Variants in PEX11B observed in about 807,000 individuals in gnomAD.
PEX11B encodes the protein peroxisomal membrane protein 11B.
In PEX11B, 18 loss-of-function variants were observed where a neutral mutation model predicts 28.2. The ratio of observed to expected loss-of-function variants is 0.64; its 90% CI spans 0.44 to 0.95. The LOEUF is 0.95. Among genes scored for constraint, PEX11B ranks in the 40% least tolerant of loss-of-function variants. The pLI is 0.00. For synonymous variants in PEX11B, 128 were observed against 128.7 expected, an observed-to-expected ratio of 0.99 and a Z score of 0.04; for missense variants, 305 against 319.8, an observed-to-expected ratio of 0.95 and a Z score of 0.35.
intron 2 of PEX11B, 67 bp from the exon 3 acceptor site, chr1:145,917,085 C>T: frequency 9.4e-7 from 1 of 1,066,540 alleles, no homozygotes; most frequent in South Asian, 1.3e-5. Context: ...GAAACAGAAA[C>T]AGAGAAAGCA....
intron 1 of PEX11B, 71 bp downstream of exon 1, chr1:145,918,562 A>AGT: frequency 6.4e-7 from 1 of 1,554,368 alleles, no homozygotes; most frequent in Non-Finnish European, 8.7e-7. Flanking sequence ...GCCTAAACTG[A>AGT]CTTCGCCTCA....
rs1473086714 is a variant in PEX11B at position 145,917,897 on chromosome 1, A to T, written c.57-81T>A. The T allele has an allele frequency of 2.1e-6, 3 of 1,405,632 alleles. No individual in the cohort carries two copies. The African/African-American group carries it at 4.2e-5, about 20-fold the overall frequency. 87.1% of individuals were successfully genotyped at this position (1,405,632 alleles called of 1,614,324 possible). On this transcript the variant is annotated intron_variant, in intron 1 of 3. Transcript: ENST00000369306. Reference sequence around the variant, plus strand: ...ACTATCTTCCAAAAGGCACAGACAGACTTCCCCCTTTCCCAGTTTGAGAAC... The same window carrying T: ...ACTATCTTCCAAAAGGCACAGACAGTCTTCCCCCTTTCCCAGTTTGAGAAC...
rs1657843921 is a variant in PEX11B at position 145,912,373 on chromosome 1, G to A, written c.568C>T (p.Leu190Phe). Residue 190 changes from leucine (L) to phenylalanine (F), a missense_variant, in exon 4 of 4, where the codon CTT becomes TTT. Coordinates refer to ENST00000369306, the MANE Select transcript of PEX11B (RefSeq NM_003846.3). ...GCCAGGAGCAGGACTTGCAGCCGAA[G>A]TTTCAGAGCCAGTTGGGGCAGACCT... is the stretch of plus-strand genomic sequence containing the variant. ...GGGLPQLALK[L>F]RLQVLLLARV... 1.2e-6 allele frequency: 2 copies of A among 1,612,568 alleles called. No homozygotes were observed. Among genetic ancestry groups the A allele is most frequent in the Admixed American group, 3.3e-5 (2 of 59,848 alleles).
chr1:145,913,726 C>G (rs1370989767), intron 3 of PEX11B, among the ~76,000 whole-genome samples: 1 of 152,164 alleles, frequency 6.6e-6, no homozygotes, highest in South Asian at 2.1e-4. Flanking sequence ...TAAAGGTGAT[C>G]TAAATCCAAT....
Position 145,917,764 on chromosome 1 carries a change from C to A in PEX11B, c.109G>T (p.Ala37Ser). 6.2e-7 allele frequency: 1 copy of A among 1,613,950 alleles called. No individual in the cohort carries two copies. The highest frequency in any genetic ancestry group is 8.5e-7 in the Non-Finnish European group (1 of 1,179,798). ...ATCTGTTTCTGTAACTCAGGACTGGCTCCATGCCTCTGCAGCGCATGGCCA... is the reference window on the plus strand; with the variant it reads ...ATCTGTTTCTGTAACTCAGGACTGGATCCATGCCTCTGCAGCGCATGGCCA... ...LLGHALQRHG[A>S]SPELQKQIRQ... is the part of the protein sequence containing the mutation. Residue 37 changes from alanine to serine, a missense_variant, in exon 2 of 4, where the codon GCC (alanine) becomes TCC (serine). Transcript: ENST00000369306.
At chr1:145,914,300 A>C (rs1438651448) in intron 3 of PEX11B, among the ~76,000 whole-genome samples, 1 of 151,710 alleles carries the variant, frequency 6.6e-6, no homozygotes, top group Non-Finnish European at 1.5e-5. Context: ...CTTGAACCCA[A>C]GAGATGGACG....
intron 1 of PEX11B, 28 bp from the exon 2 acceptor site, chr1:145,917,844 TGGA>T (rs2101864676): frequency 6.5e-7 from 1 of 1,528,004 alleles, no homozygotes; most frequent in East Asian, 2.3e-5. Flanking sequence ...CAAGGTAAGG[TGGA>T]GACCTCCCTA....
intron 3 of PEX11B, among the ~76,000 whole-genome samples, chr1:145,915,441 T>C (rs1647321745): frequency 6.6e-6 from 1 of 151,844 alleles, no homozygotes; most frequent in African/African-American, 2.4e-5. Context: ...GTTAATATAA[T>C]GAAAAAGTAC....
chr1:145,912,426 C>T lies in PEX11B; in HGVS notation c.515G>A (p.Gly172Glu). The T allele has an allele frequency of 6.3e-7, 1 of 1,575,030 alleles. No individual in the cohort carries two copies. The highest frequency in any genetic ancestry group is 8.6e-7 in the Non-Finnish European group (1 of 1,159,782). Reference sequence around the variant, plus strand: ...TCCTGGAGTCCCTGGTCCCCCAAGTCCCCCAGTTTCACTTCCTCCTGGGAC... The same window carrying T: ...TCCTGGAGTCCCTGGTCCCCCAAGTTCCCCAGTTTCACTTCCTCCTGGGAC... ...GGVPGGSETG[G>E]LGGPGTPGGG... The change falls in exon 4 of 4, where the codon GGA becomes GAA. Residue 172 changes from glycine (G) to glutamate (E), a missense_variant. Transcript: ENST00000369306.
rs1364698617 is a variant in PEX11B, at chr1:145,911,843, TG to T, written c.*317del. ...TCCCTGGATAGGAGAATGAGAAGGT[TG>T]AAAAAAGAAAGAGAGAGATGCATAG... On this transcript the variant is annotated 3_prime_UTR_variant, in exon 4 of 4. Transcript: ENST00000369306. 5.2e-6 allele frequency: 1 copy of T among 194,048 alleles called. No individual in the cohort carries two copies. The highest frequency in any genetic ancestry group is 1.1e-4 in the East Asian group (1 of 8,772). 12.0% of individuals were successfully genotyped at this position (194,048 alleles called of 1,614,324 possible). A position where few individuals can be genotyped will look rare whatever the true frequency, so the allele number is the denominator to read the frequency against.
chr1:145,915,193 C>T (rs1248725996), intron 3 of PEX11B, among the ~76,000 whole-genome samples: 8 of 152,190 alleles, frequency 5.3e-5, no homozygotes, highest in African/African-American at 1.4e-4. Flanking sequence ...CATGAGCCAC[C>T]GCACCTGGCC....
chr1:145,913,185 C>T (rs1213574331), intron 3 of PEX11B, among the ~76,000 whole-genome samples: 1 of 151,486 alleles, frequency 6.6e-6, no homozygotes, highest in South Asian at 2.1e-4. Context: ...CTGGTCAAAG[C>T]GTATAAGTTT....
intron 3 of PEX11B, among the ~76,000 whole-genome samples, chr1:145,915,268 C>T (rs781880416): frequency 6.6e-6 from 1 of 152,134 alleles, no homozygotes; most frequent in Non-Finnish European, 1.5e-5. Context: ...ATAGTAAGAG[C>T]TCAGTAAGTA....
intron 3 of PEX11B, among the ~76,000 whole-genome samples, chr1:145,913,760 G>T (rs1365257507): frequency 1.3e-5 from 2 of 152,046 alleles, no homozygotes; most frequent in Non-Finnish European, 2.9e-5. Flanking sequence ...GAGGCCCAGA[G>T]GTTTAAGTAA....
chr1:145,916,501 AT>A (rs1647386089), intron 3 of PEX11B, among the ~76,000 whole-genome samples: 1 of 152,256 alleles, frequency 6.6e-6, no homozygotes, highest in African/African-American at 2.4e-5. Flanking sequence ...CACAGTAAGC[AT>A]CTAATAAATA....
At chr1:145,918,001 G>C (rs1426751300) in intron 1 of PEX11B, 185 bp from the exon 2 acceptor site, 1 of 983,698 alleles carries the variant, frequency 1.0e-6, no homozygotes, top group Non-Finnish European at 1.2e-6. Flanking sequence ...AGAAAAAAGA[G>C]TCTAGAAAGG....
chr1:145,914,895 G>A (rs1647292534), intron 3 of PEX11B, among the ~76,000 whole-genome samples: 2 of 151,936 alleles, frequency 1.3e-5, no homozygotes, highest in Admixed American at 6.6e-5. Context: ...AGGAGCAGAG[G>A]CCTTGTTTGT....
chr1:145,918,593 T>TGCCG, intron 1 of PEX11B, 40 bp downstream of exon 1: 16 of 1,532,010 alleles, frequency 1.0e-5, no homozygotes, highest in Non-Finnish European at 1.3e-5. Context: ...CCTCTGTCCA[T>TGCCG]CCCTCCCCCG....
At chr1:145,912,681 G>T in intron 3 of PEX11B, 115 bp from the exon 4 acceptor site, 1 of 692,356 alleles carries the variant, frequency 1.4e-6, no homozygotes, top group Non-Finnish European at 2.3e-6. Flanking sequence ...TAGATCAGAA[G>T]TAAAGTGAAT....
Sources: gnomAD v4.1 joint callset for allele counts (sites outside exome capture counted in the v4.1 genomes callset) on GRCh38, gnomAD v4.1.1 for gene constraint, MANE v1.5 for transcripts, NCBI Gene and HGNC (gene_info 2026-07-23, HGNC 2026-07-21) for gene names.